ANO3: variants seen among roughly 807,000 people sequenced by gnomAD.
ANO3 encodes anoctamin 3, also known as anoctamin-3.
In ANO3, 99 loss-of-function variants were observed where a neutral mutation model predicts 144.8. The ratio of observed to expected loss-of-function variants is 0.68; its 90% confidence interval spans 0.58 to 0.81. The LOEUF is 0.81. ANO3 is among the 30% of genes least tolerant of loss of function. ANO3 has a pLI of 0.00. For synonymous variants in ANO3, 414 were observed against 392.6 expected (o/e 1.05, Z -0.64); for missense variants, 905 against 1,202.2 (o/e 0.75, Z 3.66).
chr11:26,365,327 G>T (rs1249262618), intron 1 of ANO3, among the ~76,000 whole-genome samples: 1 of 152,170 alleles, frequency 6.6e-6, no homozygotes, highest in Non-Finnish European at 1.5e-5. Context: ...GGTGTAGGTT[G>T]CAAGCTGCCA....
chr11:26,354,407 T>G (rs2349812), intron 1 of ANO3, among the ~76,000 whole-genome samples: 2 of 152,320 alleles, frequency 1.3e-5, no homozygotes, highest in African/African-American at 4.8e-5. Context: ...ACAGGTGCAT[T>G]CTTTTCTCCA....
intron 18 of ANO3, among the ~76,000 whole-genome samples, chr11:26,625,808 C>T (rs1458504449): frequency 6.6e-6 from 1 of 152,122 alleles, no homozygotes; most frequent in African/African-American, 2.4e-5. Flanking sequence ...TTCATAAACA[C>T]TCTGGGAATT....
Position 26,332,282 on chromosome 11 carries a change from C to T in ANO3, c.7C>T (p.His3Tyr), listed in dbSNP as rs1197639140. The T allele has an allele frequency of 1.2e-6, 2 of 1,613,846 alleles. No homozygotes were observed. Among genetic ancestry groups the T allele is most frequent in the Non-Finnish European group, 1.7e-6 (2 of 1,180,000 alleles). ...TGGGACGCGCAGAGTGAAAATGGTC[C>T]ACCATTCAGGCTCCATTCAGTCCTT... MV[H>Y]HSGSIQSFKQ... Residue 3 changes from histidine to tyrosine, a missense_variant, in exon 1 of 27, where the codon CAC (histidine) becomes TAC (tyrosine). By Grantham distance (83) the His-to-Tyr change is moderately conservative (BLOSUM62 2). Coordinates refer to ENST00000256737, the MANE Select transcript of ANO3 (RefSeq NM_031418.4).
At chr11:26,224,796 G>A (rs1190723245) in intron 1 of ANO3, among the ~76,000 whole-genome samples, 1 of 152,154 alleles carries the variant, frequency 6.6e-6, no homozygotes, top group Non-Finnish European at 1.5e-5. Flanking sequence ...CAGTGCTTGG[G>A]CTTCAGCAAT....
At chr11:26,460,308 G>C (rs185641234) in intron 3 of ANO3, among the ~76,000 whole-genome samples, 2 of 150,832 alleles carry the variant, frequency 1.3e-5, no homozygotes, top group East Asian at 2.0e-4. Flanking sequence ...ATATGTGCAC[G>C]TTTGTTACAT....
chr11:26,450,552 T>G (rs1392656547), intron 3 of ANO3, among the ~76,000 whole-genome samples: 4 of 152,218 alleles, frequency 2.6e-5, no homozygotes, highest in South Asian at 2.1e-4. Context: ...GTAGGATAAT[T>G]TTTAAAATCA....
At chr11:26,207,545 G>A (rs896745811) in intron 1 of ANO3, among the ~76,000 whole-genome samples, 1 of 152,008 alleles carries the variant, frequency 6.6e-6, no homozygotes, top group African/African-American at 2.4e-5. Context: ...TATTCAGTAC[G>A]AGGTACTATT....
At chr11:26,576,551 CTT>C (rs1460866259) in intron 14 of ANO3, among the ~76,000 whole-genome samples, 2 of 152,134 alleles carry the variant, frequency 1.3e-5, no homozygotes, top group Non-Finnish European at 2.9e-5. Flanking sequence ...TGAGTAAACT[CTT>C]CTTTATTTTT....
intron 1 of ANO3, among the ~76,000 whole-genome samples, chr11:26,367,849 G>A (rs890546734): frequency 6.6e-6 from 1 of 152,144 alleles, no homozygotes; most frequent in Non-Finnish European, 1.5e-5. Flanking sequence ...GAAAGCAGGA[G>A]CAAAATAAAG....
chr11:26,377,474 A>G (rs1223331358), intron 1 of ANO3, among the ~76,000 whole-genome samples: 1 of 152,126 alleles, frequency 6.6e-6, no homozygotes, highest in African/African-American at 2.4e-5. Context: ...GAAGAGACCA[A>G]TGAGCTGGAA....
At chr11:26,564,953 C>T (rs1026760513) in intron 14 of ANO3, among the ~76,000 whole-genome samples, 5 of 150,474 alleles carry the variant, frequency 3.3e-5, no homozygotes, top group Non-Finnish European at 5.9e-5. Flanking sequence ...CTTACACTCC[C>T]AAAGAGAAAT....
intron 3 of ANO3, among the ~76,000 whole-genome samples, chr11:26,460,909 A>G (rs1859370419): frequency 6.6e-6 from 1 of 152,074 alleles, no homozygotes; most frequent in Non-Finnish European, 1.5e-5. Flanking sequence ...AGACTTGGGA[A>G]AAGGAAATTG....
At chr11:26,496,742 T>C (rs1860959898) in intron 4 of ANO3, among the ~76,000 whole-genome samples, 1 of 152,098 alleles carries the variant, frequency 6.6e-6, no homozygotes, top group African/African-American at 2.4e-5. Flanking sequence ...GTACATATAA[T>C]TTAGCTCCCA....
At chr11:26,270,391 C>T (rs562750474) in intron 1 of ANO3, among the ~76,000 whole-genome samples, 4 of 152,144 alleles carry the variant, frequency 2.6e-5, no homozygotes, top group Admixed American at 2.6e-4. Flanking sequence ...TATTAGCCAG[C>T]CCAAATCTTC....
At chr11:26,566,919 C>A in intron 14 of ANO3, 1 of 706,820 alleles carries the variant, frequency 1.4e-6, no homozygotes, top group Admixed American at 4.2e-5. Context: ...TAGGTAGCAG[C>A]ACTCTAAACA....
At chr11:26,563,002 T>A (rs1850354047) in intron 14 of ANO3, 49 of 1,403,350 alleles carry the variant, frequency 3.5e-5, no homozygotes, top group Non-Finnish European at 4.6e-5. Flanking sequence ...GTCTTTAGTT[T>A]GTTCATTCAT....
At chr11:26,287,601 C>A (rs1277773600) in intron 1 of ANO3, 1 of 152,168 alleles carries the variant, frequency 6.6e-6, no homozygotes, top group Non-Finnish European at 1.5e-5. Flanking sequence ...TAATGTCACT[C>A]ATTTACAGGT....
At chr11:26,645,497 T>A (rs1234871652) in intron 23 of ANO3, among the ~76,000 whole-genome samples, 1 of 152,152 alleles carries the variant, frequency 6.6e-6, no homozygotes, top group African/African-American at 2.4e-5. Context: ...GTTATCCTTT[T>A]AATTAATTTT....
chr11:26,263,548 G>A (rs1853242112), intron 1 of ANO3, among the ~76,000 whole-genome samples: 1 of 152,106 alleles, frequency 6.6e-6, no homozygotes, highest in Non-Finnish European at 1.5e-5. Flanking sequence ...TAGCCTCTCT[G>A]CTTTTCCACA....
Sources: gnomAD v4.1 joint callset for allele counts (sites outside exome capture counted in the v4.1 genomes callset) on GRCh38, gnomAD v4.1.1 for gene constraint, MANE v1.5 for transcripts, NCBI Gene and HGNC (gene_info 2026-07-23, HGNC 2026-07-21) for gene names.